The following SGCZ variants were observed in gnomAD, a reference collection of about 807,000 sequenced individuals.
SGCZ encodes the protein sarcoglycan zeta, also known as zeta-sarcoglycan.
A neutral mutation model predicts 41.3 loss-of-function variants in SGCZ; 40 were observed. That is an observed-to-expected ratio of 0.97 (90% CI 0.75 to 1.26). The LOEUF (loss-of-function observed/expected upper bound fraction) is 1.26. Among genes scored for constraint, SGCZ ranks in the 50% most tolerant of loss-of-function variants. The pLI is 0.00. For missense variants in SGCZ, 552 were observed against 369.8 expected (o/e 1.49, Z -4.04); for synonymous variants, 206 against 137.5 (o/e 1.50, Z -3.49).
intron 2 of SGCZ, among the ~76,000 whole-genome samples, chr8:14,507,835 G>A (rs1219080122): frequency 2.7e-5 from 4 of 149,956 alleles, no homozygotes; most frequent in Non-Finnish European, 5.9e-5. Context: ...GCAATGGCGC[G>A]ATCTCAGCTT....
intron 1 of SGCZ, among the ~76,000 whole-genome samples, chr8:14,984,549 A>G (rs557897922): frequency 6.6e-6 from 1 of 151,798 alleles, no homozygotes; most frequent in Non-Finnish European, 1.5e-5. Context: ...AAAGCGTGCT[A>G]TAGTCTGGAT....
intron 1 of SGCZ, among the ~76,000 whole-genome samples, chr8:15,029,095 T>C (rs1174426053): frequency 6.6e-6 from 1 of 152,076 alleles, no homozygotes; most frequent in African/African-American, 2.4e-5. Context: ...AACCAGTTAT[T>C]TCATGGAACG....
At chr8:14,942,203 AG>A (rs1166645845) in intron 1 of SGCZ, among the ~76,000 whole-genome samples, 1 of 152,104 alleles carries the variant, frequency 6.6e-6, no homozygotes, top group Non-Finnish European at 1.5e-5. Context: ...CGTACAGAAA[AG>A]GACCTACCCT....
intron 1 of SGCZ, among the ~76,000 whole-genome samples, chr8:15,172,751 A>G (rs1338666318): frequency 6.6e-6 from 1 of 152,212 alleles, no homozygotes; most frequent in East Asian, 1.9e-4. Context: ...AAACATTTTC[A>G]TAATGCGCTT....
At chr8:15,086,279 T>G (rs1805946054) in intron 1 of SGCZ, among the ~76,000 whole-genome samples, 1 of 152,212 alleles carries the variant, frequency 6.6e-6, no homozygotes, top group African/African-American at 2.4e-5. Context: ...GAAAATATTC[T>G]TGCATACTCC....
At chr8:14,614,025 C>T (rs1248020551) in intron 1 of SGCZ, among the ~76,000 whole-genome samples, 1 of 152,080 alleles carries the variant, frequency 6.6e-6, no homozygotes, top group Non-Finnish European at 1.5e-5. Flanking sequence ...TTAGGCACTG[C>T]CTTCAGTGAG....
intron 1 of SGCZ, among the ~76,000 whole-genome samples, chr8:15,021,769 T>C (rs908272472): frequency 6.6e-6 from 1 of 152,222 alleles, no homozygotes; most frequent in Non-Finnish European, 1.5e-5. Flanking sequence ...TCTAGCCAAA[T>C]GGTCTATATT....
At chr8:14,259,681 G>C (rs1442449554) in intron 3 of SGCZ, among the ~76,000 whole-genome samples, 1 of 145,166 alleles carries the variant, frequency 6.9e-6, no homozygotes, top group Non-Finnish European at 1.5e-5. Flanking sequence ...TTTCTGTTTT[G>C]GTACCAGTAC....
chr8:14,371,231 C>T (rs1803898460), intron 2 of SGCZ, among the ~76,000 whole-genome samples: 1 of 151,798 alleles, frequency 6.6e-6, no homozygotes, highest in Non-Finnish European at 1.5e-5. Flanking sequence ...TATAATTTGC[C>T]ATAACATTCT....
chr8:14,971,713 G>A (rs1160291055), intron 1 of SGCZ, among the ~76,000 whole-genome samples: 2 of 141,634 alleles, frequency 1.4e-5, no homozygotes, highest in Non-Finnish European at 1.5e-5. Flanking sequence ...ACAGTGGCAC[G>A]ACCTAGGCTG....
intron 2 of SGCZ, among the ~76,000 whole-genome samples, chr8:14,371,892 G>A (rs964649134): frequency 6.6e-6 from 1 of 152,002 alleles, no homozygotes; most frequent in Non-Finnish European, 1.5e-5. Context: ...ATGCCTTGAG[G>A]GTTAAAGAAG....
intron 2 of SGCZ, among the ~76,000 whole-genome samples, chr8:14,470,635 A>C (rs904250141): frequency 1.8e-4 from 28 of 152,246 alleles, no homozygotes; most frequent in Non-Finnish European, 3.7e-4. Flanking sequence ...ATTTCTGAGC[A>C]CACAATAAAG....
At position 14,237,625 on chromosome 8, in the gene SGCZ, G is replaced by C; in HGVS notation, c.391C>G (p.His131Asp). 3 of 1,613,880 alleles carry C rather than the reference G, an allele frequency of 1.9e-6. No individual in the cohort carries two copies. Among genetic ancestry groups the C allele is most frequent in the Non-Finnish European group, 2.5e-6 (3 of 1,179,832 alleles). ...AGCTGTCCGGTTAACTGCCCCATGT[G>C]ATTTCTTGCATTCACTGTGACATTC... The part of the protein sequence containing the change: ...DRNVTVNARN[H>D]MGQLTGQLTI... Residue 131 changes from histidine to aspartate, a missense_variant, in exon 4 of 8, where the codon CAC (histidine) becomes GAC (aspartate). Transcript: ENST00000382080.
At chr8:15,144,438 A>G (rs1798981248) in intron 1 of SGCZ, among the ~76,000 whole-genome samples, 2 of 150,708 alleles carry the variant, frequency 1.3e-5, no homozygotes, top group East Asian at 1.9e-4. Context: ...AAGTAGTTCT[A>G]TACAGTTTGT....
At chr8:14,354,559 A>G (rs1803223707) in intron 2 of SGCZ, among the ~76,000 whole-genome samples, 1 of 151,754 alleles carries the variant, frequency 6.6e-6, no homozygotes, top group Non-Finnish European at 1.5e-5. Context: ...TAATATTGTA[A>G]TATACTACAA....
chr8:14,533,518 A>T (rs1803202064), intron 2 of SGCZ, among the ~76,000 whole-genome samples: 1 of 151,972 alleles, frequency 6.6e-6, no homozygotes, highest in South Asian at 2.1e-4. Flanking sequence ...TATGATAGCA[A>T]ATAGAACATT....
At chr8:14,371,768 G>T (rs143687307) in intron 2 of SGCZ, among the ~76,000 whole-genome samples, 3,011 of 152,098 alleles carry the variant, frequency 0.02, 78 homozygotes, top group African/African-American at 0.056. Context: ...ACAGGTTTAG[G>T]GTGACAAATA....
intron 4 of SGCZ, among the ~76,000 whole-genome samples, chr8:14,217,841 G>A (rs957092784): frequency 4.6e-5 from 7 of 151,696 alleles, no homozygotes; most frequent in African/African-American, 1.7e-4. Flanking sequence ...ATGTTGGCCA[G>A]GCTCGTCTTG....
intron 5 of SGCZ, among the ~76,000 whole-genome samples, chr8:14,136,585 G>A (rs1206560004): frequency 6.6e-6 from 1 of 152,200 alleles, no homozygotes; most frequent in African/African-American, 2.4e-5. Context: ...CGAGGTGGCA[G>A]CGAGGCTGGG....
Sources: gnomAD v4.1 joint callset for allele counts (sites outside exome capture counted in the v4.1 genomes callset) on GRCh38, gnomAD v4.1.1 for gene constraint, MANE v1.5 for transcripts, NCBI Gene and HGNC (gene_info 2026-07-23, HGNC 2026-07-21) for gene names.